Variants in CNTN5 observed in about 807,000 individuals in gnomAD.
The protein encoded by CNTN5 is contactin 5.
CNTN5 carries 77 observed loss-of-function variants against 129.1 expected under a neutral mutation model. The ratio of observed to expected loss-of-function variants is 0.60; its 90% CI spans 0.50 to 0.72. CNTN5 has a LOEUF of 0.72. Ranked by LOEUF, CNTN5 falls within the 30% of genes least tolerant of loss-of-function variation. The pLI, the probability that CNTN5 is intolerant of heterozygous loss-of-function variation, is 0.00. For synonymous variants in CNTN5, 509 were observed against 465.6 expected, an observed-to-expected ratio of 1.09 and a Z score of -1.20; for missense variants, 1,478 against 1,328.8, an observed-to-expected ratio of 1.11 and a Z score of -1.75.
chr11:99,386,789 A>G (rs1484147769), intron 2 of CNTN5, among the ~76,000 whole-genome samples: 2 of 152,196 alleles, frequency 1.3e-5, no homozygotes, highest in Non-Finnish European at 2.9e-5. Context: ...TTGAACAAAA[A>G]TCTCAGCACT....
At chr11:99,385,378 C>A (rs1940864209) in intron 2 of CNTN5, among the ~76,000 whole-genome samples, 1 of 151,956 alleles carries the variant, frequency 6.6e-6, no homozygotes, top group Admixed American at 6.6e-5. Context: ...GTGATTTGGA[C>A]TTGAACTGGA....
chr11:100,355,487 A>G (rs1952501818), intron 24 of CNTN5, among the ~76,000 whole-genome samples: 1 of 151,840 alleles, frequency 6.6e-6, no homozygotes, highest in Non-Finnish European at 1.5e-5. Context: ...AGAATAGTAA[A>G]TACATAAGCC....
At chr11:99,391,811 C>T (rs1941275510) in intron 2 of CNTN5, among the ~76,000 whole-genome samples, 1 of 151,854 alleles carries the variant, frequency 6.6e-6, no homozygotes, top group Admixed American at 6.6e-5. Context: ...TTTTGTTTCC[C>T]TGGGATACCC....
chr11:100,072,192 C>T (rs1188474051), intron 12 of CNTN5, among the ~76,000 whole-genome samples: 1 of 152,200 alleles, frequency 6.6e-6, no homozygotes, highest in Non-Finnish European at 1.5e-5. Context: ...AGCAGCCTGT[C>T]CATGCTCCCA....
At chr11:100,290,488 CA>C (rs1260353336) in intron 18 of CNTN5, among the ~76,000 whole-genome samples, 1 of 144,568 alleles carries the variant, frequency 6.9e-6, no homozygotes, top group African/African-American at 2.6e-5. Context: ...ACAAACCTGA[CA>C]AAAACAAGCA....
At chr11:100,220,356 T>C (rs1591405684) in intron 15 of CNTN5, among the ~76,000 whole-genome samples, 1 of 151,864 alleles carries the variant, frequency 6.6e-6, no homozygotes, top group South Asian at 2.1e-4. Context: ...AGTTTTTACG[T>C]CAGTAACATT....
At position 100,070,453 on chromosome 11, in the gene CNTN5, G is replaced by C; in HGVS notation, c.1192G>C (p.Asp398His). ...CCCACACTGGGTAGAAAAACTGAAT[G>C]ATACTCAGTTAGACAGTGGGAGCCC... The part of the protein sequence containing the change: ...TYPHWVEKLN[D>H]TQLDSGSPLR... The change falls in exon 11 of 25, where the codon GAT becomes CAT. Residue 398 changes from aspartate to histidine, a missense_variant. Asp to His is a moderately conservative substitution (Grantham distance 81). Coordinates refer to ENST00000524871, the MANE Select transcript of CNTN5 (RefSeq NM_014361.4). 1 of 1,611,896 alleles carries C rather than the reference G, an allele frequency of 6.2e-7. No homozygotes were observed. Among genetic ancestry groups the C allele is most frequent in the Non-Finnish European group, 8.5e-7 (1 of 1,178,668 alleles).
At chr11:99,866,713 T>G (rs1278631257) in intron 6 of CNTN5, among the ~76,000 whole-genome samples, 1 of 152,230 alleles carries the variant, frequency 6.6e-6, no homozygotes, top group Non-Finnish European at 1.5e-5. Flanking sequence ...ACTTATTTGC[T>G]ATTGTGACCA....
Position 100,022,386 on chromosome 11 carries a change from A to G in CNTN5, c.980+20250A>G, listed in dbSNP as rs192804660. ...TCTAGCATCCTGCTATTTGCTTTCT[A>G]TCTGTCCCCTATGTTCTTTGTACAT... On this transcript the variant is annotated intron_variant, in intron 9 of 24. Coordinates refer to ENST00000524871, the MANE Select transcript of CNTN5 (RefSeq NM_014361.4). Among the ~76,000 whole-genome samples the G allele has an allele frequency of 6.6e-5, 10 of 152,238 alleles. No homozygotes were observed. In the East Asian group the frequency reaches 1.5e-3, roughly 24 times the overall value.
chr11:99,131,894 A>G lies in CNTN5; in HGVS notation c.-210+110624A>G, dbSNP rs141490611. On this transcript the variant is annotated intron_variant, in intron 1 of 24. Coordinates refer to ENST00000524871, the MANE Select transcript of CNTN5 (RefSeq NM_014361.4). ...AACAGGAGAGACTACTCCCTAACTC[A>G]TTTTATGAGGCCAGCATCATCTTGA... Among the ~76,000 whole-genome samples, 715 of 152,336 alleles carry G rather than the reference A, an allele frequency of 4.7e-3. 6 individuals are homozygous for G. The highest frequency in any genetic ancestry group is 0.016 in the African/African-American group (669 of 41,574).
chr11:99,082,298 G>T, intron 1 of CNTN5, among the ~76,000 whole-genome samples: 1 of 150,480 alleles, frequency 6.6e-6, no homozygotes, highest in East Asian at 2.0e-4. Context: ...CTATTCTCCT[G>T]CCTCAGGCTG....
chr11:99,363,335 G>T (rs1051191728), intron 2 of CNTN5, among the ~76,000 whole-genome samples: 5 of 152,212 alleles, frequency 3.3e-5, no homozygotes, highest in African/African-American at 1.2e-4. Context: ...TAAATAAAAT[G>T]TAGAATCTGA....
chr11:99,979,792 A>G (rs1035403199), intron 8 of CNTN5, among the ~76,000 whole-genome samples: 1 of 152,196 alleles, frequency 6.6e-6, no homozygotes. Flanking sequence ...AAGCACTGAT[A>G]TACTGCAGAA....
intron 3 of CNTN5, among the ~76,000 whole-genome samples, chr11:99,780,864 G>A (rs1311295413): frequency 1.3e-5 from 2 of 152,028 alleles, no homozygotes; most frequent in Non-Finnish European, 1.5e-5. Context: ...AGATCACAGT[G>A]GGAGAAAATG....
chr11:99,411,917 T>A (rs1942412536), intron 2 of CNTN5, among the ~76,000 whole-genome samples: 1 of 152,218 alleles, frequency 6.6e-6, no homozygotes, highest in Admixed American at 6.5e-5. Flanking sequence ...CAATCCTATT[T>A]TGAATGTTTC....
At chr11:99,409,889 A>G (rs1044808174) in intron 2 of CNTN5, among the ~76,000 whole-genome samples, 1 of 152,216 alleles carries the variant, frequency 6.6e-6, no homozygotes, top group Non-Finnish European at 1.5e-5. Context: ...TTAATAATAA[A>G]TTGTCATTAA....
intron 18 of CNTN5, among the ~76,000 whole-genome samples, chr11:100,274,515 C>G (rs575335492): frequency 2.0e-5 from 3 of 152,068 alleles, no homozygotes; most frequent in Non-Finnish European, 4.4e-5. Context: ...GGAACTTAAA[C>G]AAATTTACAA....
At chr11:100,177,239 T>C (rs1264690924) in intron 13 of CNTN5, among the ~76,000 whole-genome samples, 3 of 152,120 alleles carry the variant, frequency 2.0e-5, no homozygotes, top group Non-Finnish European at 4.4e-5. Flanking sequence ...TAACTAATTT[T>C]GAACCTCCAA....
intron 2 of CNTN5, among the ~76,000 whole-genome samples, chr11:99,352,811 C>T (rs1938388839): frequency 6.6e-6 from 1 of 152,110 alleles, no homozygotes; most frequent in Non-Finnish European, 1.5e-5. Context: ...ACGTGCTGTC[C>T]TTGGGGTCAA....
Sources: allele counts gnomAD v4.1 joint callset (sites outside exome capture counted in the v4.1 genomes callset), GRCh38; gene constraint gnomAD v4.1.1; transcripts MANE v1.5; gene names NCBI Gene and HGNC (gene_info 2026-07-23, HGNC 2026-07-21).